The following EFR3A variants were observed in gnomAD, a reference collection of about 807,000 sequenced individuals.
The protein encoded by EFR3A is protein EFR3 homolog A.
A neutral mutation model predicts 104.4 loss-of-function variants in EFR3A; 76 were observed. The observed-to-expected ratio is 0.73, with a 90% confidence interval of 0.60 to 0.88. The LOEUF (loss-of-function observed/expected upper bound fraction) is 0.88, where lower values mean the gene tolerates loss of function less well. EFR3A is among the 40% of genes least tolerant of loss of function. EFR3A has a pLI of 0.00. For missense variants in EFR3A, 985 were observed against 1,012.5 expected (o/e 0.97, Z 0.37); for synonymous variants, 330 against 330.0 (o/e 1.00, Z 0.00).
intron 1 of EFR3A, among the ~76,000 whole-genome samples, chr8:131,931,975 C>T (rs1330530580): frequency 1.3e-5 from 2 of 151,926 alleles, no homozygotes; most frequent in African/African-American, 4.8e-5. Context: ...TGCCACTGGT[C>T]CTGGCATAAT....
chr8:132,009,924 C>G (rs981477016), intron 22 of EFR3A, among the ~76,000 whole-genome samples: 1 of 151,868 alleles, frequency 6.6e-6, no homozygotes, highest in Non-Finnish European at 1.5e-5. Context: ...GCATCTGTAT[C>G]ATATGACAAA....
chr8:131,961,640 A>G (rs1819338464), intron 8 of EFR3A, among the ~76,000 whole-genome samples: 1 of 152,216 alleles, frequency 6.6e-6, no homozygotes, highest in South Asian at 2.1e-4. Context: ...ACACTGCAGG[A>G]TATTATCCAG....
At chr8:131,955,413 T>C (rs1199563009) in intron 6 of EFR3A, among the ~76,000 whole-genome samples, 1 of 152,130 alleles carries the variant, frequency 6.6e-6, no homozygotes, top group Non-Finnish European at 1.5e-5. Flanking sequence ...CATTTACAGT[T>C]AAATTAAGGA....
intron 1 of EFR3A, chr8:131,924,204 A>T: frequency 2.8e-6 from 1 of 352,572 alleles, no homozygotes. Context: ...TTATTTCTGC[A>T]TACCCCATTC....
At chr8:131,914,333 CTTTG>C (rs899691712) in intron 1 of EFR3A, among the ~76,000 whole-genome samples, 3 of 152,188 alleles carry the variant, frequency 2.0e-5, no homozygotes, top group African/African-American at 7.2e-5. Context: ...CATCTTGCTT[CTTTG>C]TTTGGTCTTC....
At chr8:131,929,600 G>C (rs779256975) in intron 1 of EFR3A, among the ~76,000 whole-genome samples, 3 of 152,054 alleles carry the variant, frequency 2.0e-5, no homozygotes, top group Non-Finnish European at 4.4e-5. Flanking sequence ...ACCAGACTAC[G>C]AGCTACTAAA....
intron 6 of EFR3A, 35 bp downstream of exon 6, chr8:131,954,002 A>T (rs1818846112): frequency 6.8e-7 from 1 of 1,476,654 alleles, no homozygotes; most frequent in African/African-American, 1.4e-5. Context: ...AGACAGTGTT[A>T]CTTTTATATA....
rs1563654750 is a variant in EFR3A, at chr8:131,949,960, G to A, written c.367-9G>A. ...AGGTGAAGTATATTATATTATTTGT[G>A]TTTTTTAGTTTGTCAAATTTGCAAA... On this transcript the variant is annotated splice_polypyrimidine_tract_variant and intron_variant, in intron 4 of 22. Coordinates refer to ENST00000254624, the MANE Select transcript of EFR3A (RefSeq NM_015137.6). 4 of 1,581,028 alleles carry A rather than the reference G, an allele frequency of 2.5e-6. No individual in the cohort carries two copies. Among genetic ancestry groups the A allele is most frequent in the Admixed American group, 1.9e-5 (1 of 53,346 alleles).
intron 8 of EFR3A, among the ~76,000 whole-genome samples, chr8:131,966,198 CTTAAAG>C (rs1819719396): frequency 6.6e-6 from 1 of 151,940 alleles, no homozygotes; most frequent in Admixed American, 6.6e-5. Flanking sequence ...TACCCTAAAA[CTTAAAG>C]TTTAATAAAA....
chr8:131,980,048 A>G (rs1820525739), intron 14 of EFR3A, among the ~76,000 whole-genome samples: 1 of 152,120 alleles, frequency 6.6e-6, no homozygotes, highest in Non-Finnish European at 1.5e-5. Context: ...TTTGCTATAC[A>G]CTGAGTCAAT....
chr8:131,988,420 CTACAAG>C (rs1821007791), intron 18 of EFR3A, among the ~76,000 whole-genome samples: 1 of 151,998 alleles, frequency 6.6e-6, no homozygotes, highest in Admixed American at 6.6e-5. Flanking sequence ...GGATTAGTCA[CTACAAG>C]TAGTGCAGTC....
At chr8:131,996,361 A>G (rs372247988) in intron 18 of EFR3A, 45 bp from the exon 19 acceptor site, 150 of 1,205,016 alleles carry the variant, frequency 1.2e-4, no homozygotes, top group Non-Finnish European at 1.6e-4. Context: ...GAAAACCAAC[A>G]TAACATTTCT....
At position 131,989,043 on chromosome 8, in the gene EFR3A, A is replaced by G. The variant is rs964373321; in HGVS notation, c.2065+1341A>G. Reference sequence around the variant, plus strand: ...ATCCCTAAAAAAGATGTATTCTCTCATAATGCATCTCTACCAATGACTAGA... The same window carrying G: ...ATCCCTAAAAAAGATGTATTCTCTCGTAATGCATCTCTACCAATGACTAGA... On this transcript the variant is annotated intron_variant, in intron 18 of 22. Transcript: ENST00000254624. Among the ~76,000 whole-genome samples the G allele has an allele frequency of 1.2e-4, 18 of 152,292 alleles. No individual in the cohort carries two copies. In the East Asian group the frequency reaches 2.9e-3, roughly 24 times the overall value.
chr8:131,987,402 T>TTA (rs1820937565), intron 17 of EFR3A, among the ~76,000 whole-genome samples, 173 bp from the exon 18 acceptor site: 1 of 152,188 alleles, frequency 6.6e-6, no homozygotes, highest in Non-Finnish European at 1.5e-5. Context: ...TACTGTGTGT[T>TTA]TTTAAAGAGC....
intron 8 of EFR3A, among the ~76,000 whole-genome samples, chr8:131,965,987 C>T (rs1447004731): frequency 6.6e-6 from 1 of 152,050 alleles, no homozygotes; most frequent in South Asian, 2.1e-4. Context: ...CGCATGTTCT[C>T]ACTCATAGGT....
Position 131,984,160 on chromosome 8 carries a change from C to T in EFR3A, c.1597C>T (p.His533Tyr), listed in dbSNP as rs772616504. 1.2e-6 allele frequency: 2 copies of T among 1,609,232 alleles called. No homozygotes were observed. The highest frequency in any genetic ancestry group is 1.7e-6 in the Non-Finnish European group (2 of 1,178,058). ...TCAGAATGGGCAACAGCTGTATCGG[C>T]ACATATATTTGGGTTGTAAAGAGGA... ...MKKNGQQLYR[H>Y]IYLGCKEEDN... The change falls in exon 15 of 23, where the codon CAC becomes TAC. Residue 533 changes from histidine to tyrosine, a missense_variant. His to Tyr is a moderately conservative substitution (Grantham distance 83). Transcript: ENST00000254624.
intron 6 of EFR3A, among the ~76,000 whole-genome samples, chr8:131,955,496 G>C (rs1818931439): frequency 6.6e-6 from 1 of 152,108 alleles, no homozygotes; most frequent in South Asian, 2.1e-4. Flanking sequence ...TTGAATGAAA[G>C]TGAAAGCAAG....
intron 4 of EFR3A, among the ~76,000 whole-genome samples, chr8:131,947,340 C>G (rs370273779): frequency 6.6e-6 from 1 of 151,750 alleles, no homozygotes; most frequent in South Asian, 2.1e-4. Context: ...TATTCAAATC[C>G]TTTCCCTCCT....
At chr8:131,940,790 A>G in intron 2 of EFR3A, 2 of 689,632 alleles carry the variant, frequency 2.9e-6, no homozygotes, top group African/African-American at 1.8e-5. Flanking sequence ...GCACAAATCT[A>G]GAAAAATGGA....
Sources: gnomAD v4.1 joint callset for allele counts (sites outside exome capture counted in the v4.1 genomes callset) on GRCh38, gnomAD v4.1.1 for gene constraint, MANE v1.5 for transcripts, NCBI Gene and HGNC (gene_info 2026-07-23, HGNC 2026-07-21) for gene names.